MTUS2: variants seen among roughly 807,000 people sequenced by gnomAD.
The protein encoded by MTUS2 is microtubule-associated tumor suppressor candidate 2.
Under a neutral mutation model 114.1 loss-of-function variants are expected in MTUS2, and 40 were observed. The ratio of observed to expected loss-of-function variants is 0.35; its 90% CI spans 0.27 to 0.46. The LOEUF is 0.46. Among genes scored for constraint, MTUS2 ranks in the 20% least tolerant of loss-of-function variants. MTUS2 has a pLI of 1.00. For synonymous variants in MTUS2, 688 were observed against 672.0 expected (o/e 1.02, Z -0.37); for missense variants, 1,679 against 1,705.4 (o/e 0.98, Z 0.27).
chr13:29,284,400 T>A (rs201396290), intron 6 of MTUS2, among the ~76,000 whole-genome samples: 24,687 of 120,008 alleles, frequency 0.21, 2,044 homozygotes, highest in African/African-American at 0.24. Context: ...TAAGCTATTT[T>A]TTAAAAAAAA....
chr13:29,252,860 ATGATTG>A (rs1897170524), intron 5 of MTUS2, among the ~76,000 whole-genome samples: 1 of 151,666 alleles, frequency 6.6e-6, no homozygotes, highest in Non-Finnish European at 1.5e-5. Flanking sequence ...GCCTTTTGCC[ATGATTG>A]TGAGGCCTCC....
At chr13:28,939,816 A>G (rs1005377577) in intron 2 of MTUS2, among the ~76,000 whole-genome samples, 1 of 152,150 alleles carries the variant, frequency 6.6e-6, no homozygotes, top group Non-Finnish European at 1.5e-5. Flanking sequence ...AACGCTGGGT[A>G]ATATATAAAG....
intron 2 of MTUS2, among the ~76,000 whole-genome samples, chr13:29,022,851 CT>C (rs1886350783): frequency 6.6e-6 from 1 of 151,216 alleles, no homozygotes; most frequent in East Asian, 2.0e-4. Flanking sequence ...ATTTTAAACT[CT>C]TTGGGGGCAG....
At chr13:29,306,793 G>T in intron 6 of MTUS2, 1 of 375,230 alleles carries the variant, frequency 2.7e-6, no homozygotes, top group South Asian at 2.1e-5. Context: ...GAAGGTGAAG[G>T]CCAGAGTCGA....
At chr13:29,123,584 G>T (rs938591259) in intron 5 of MTUS2, among the ~76,000 whole-genome samples, 1 of 152,010 alleles carries the variant, frequency 6.6e-6, no homozygotes, top group African/African-American at 2.4e-5. Context: ...GGGCATGGTG[G>T]TGCATTTCTG....
At chr13:29,250,138 A>C (rs1897072324) in intron 5 of MTUS2, among the ~76,000 whole-genome samples, 1 of 152,230 alleles carries the variant, frequency 6.6e-6, no homozygotes. Context: ...AAAATAAAAT[A>C]AAATGGATAA....
intron 2 of MTUS2, among the ~76,000 whole-genome samples, chr13:29,009,067 T>C (rs899953550): frequency 3.9e-5 from 6 of 152,018 alleles, no homozygotes; most frequent in Non-Finnish European, 2.9e-5. Flanking sequence ...TCCTTGACTT[T>C]AATGCCTTCT....
intron 5 of MTUS2, among the ~76,000 whole-genome samples, chr13:29,217,298 T>C (rs527824981): frequency 6.6e-6 from 1 of 152,204 alleles, no homozygotes; most frequent in Non-Finnish European, 1.5e-5. Flanking sequence ...TATATTCATA[T>C]TGATACATCA....
At chr13:29,145,284 G>A (rs990475464) in intron 5 of MTUS2, among the ~76,000 whole-genome samples, 5 of 152,132 alleles carry the variant, frequency 3.3e-5, no homozygotes, top group African/African-American at 1.2e-4. Flanking sequence ...CACTTTGGGA[G>A]GCTGAGGTGG....
chr13:28,906,780 G>A (rs989153061), intron 2 of MTUS2, among the ~76,000 whole-genome samples: 8 of 151,500 alleles, frequency 5.3e-5, no homozygotes, highest in East Asian at 3.8e-4. Context: ...TCTGCTTGGC[G>A]CAGAGCTGAG....
intron 7 of MTUS2, among the ~76,000 whole-genome samples, chr13:29,338,210 AT>A: frequency 6.6e-6 from 1 of 152,118 alleles, no homozygotes. Context: ...CTAACAGTAC[AT>A]TTTGAAGAGG....
chr13:29,110,426 A>T (rs990034270), intron 5 of MTUS2, among the ~76,000 whole-genome samples: 2 of 152,216 alleles, frequency 1.3e-5, no homozygotes, highest in Non-Finnish European at 2.9e-5. Context: ...AGTGAGAACA[A>T]AAACTAAAAT....
chr13:28,973,572 C>T (rs1883953023), intron 2 of MTUS2, among the ~76,000 whole-genome samples: 1 of 152,196 alleles, frequency 6.6e-6, no homozygotes, highest in South Asian at 2.1e-4. Context: ...GCAGGGCTCC[C>T]TCCTATTTTA....
intron 5 of MTUS2, among the ~76,000 whole-genome samples, chr13:29,107,261 A>G (rs1318196052): frequency 6.6e-6 from 1 of 152,086 alleles, no homozygotes; most frequent in Non-Finnish European, 1.5e-5. Flanking sequence ...CCTACAGACT[A>G]TAAGCTCTTA....
intron 8 of MTUS2, among the ~76,000 whole-genome samples, chr13:29,390,214 C>A (rs1873323549): frequency 6.6e-6 from 1 of 150,428 alleles, no homozygotes; most frequent in African/African-American, 2.5e-5. Flanking sequence ...AGTGAAAGGA[C>A]TAGACATAAG....
intron 6 of MTUS2, among the ~76,000 whole-genome samples, chr13:29,283,420 CAAAT>C (rs1236286519): frequency 1.3e-5 from 2 of 152,294 alleles, no homozygotes; most frequent in East Asian, 3.9e-4. Flanking sequence ...ATTGAATCAA[CAAAT>C]GAATGAATGG....
chr13:29,035,626 G>C (rs973088868), intron 4 of MTUS2, among the ~76,000 whole-genome samples: 4 of 152,028 alleles, frequency 2.6e-5, no homozygotes, highest in African/African-American at 9.7e-5. Context: ...TTTTCTTCAT[G>C]TTGTCCTCAG....
At chr13:29,388,021 A>G (rs191150996) in intron 8 of MTUS2, among the ~76,000 whole-genome samples, 31 of 152,294 alleles carry the variant, frequency 2.0e-4, no homozygotes, top group South Asian at 4.1e-4. Context: ...TTGTGTTGCA[A>G]TAAGTGCCTG....
At chr13:29,226,957 G>C (rs893798478) in intron 5 of MTUS2, among the ~76,000 whole-genome samples, 1 of 151,958 alleles carries the variant, frequency 6.6e-6, no homozygotes, top group Non-Finnish European at 1.5e-5. Flanking sequence ...CATGTGTCCT[G>C]GACTTGAATC....
Sources: allele counts gnomAD v4.1 joint callset (sites outside exome capture counted in the v4.1 genomes callset), GRCh38; gene constraint gnomAD v4.1.1; transcripts MANE v1.5; gene names NCBI Gene and HGNC (gene_info 2026-07-23, HGNC 2026-07-21).